Variants in CYBRD1 observed in about 807,000 individuals in gnomAD.
The protein encoded by CYBRD1 is plasma membrane ascorbate-dependent reductase CYBRD1.
CYBRD1 carries 14 observed loss-of-function variants against 21.9 expected under a neutral mutation model. That is an observed-to-expected ratio of 0.64 (90% CI 0.42 to 1.00). The LOEUF is 1.00. Among genes scored for constraint, CYBRD1 ranks in the 50% least tolerant of loss-of-function variants. The pLI is 0.00. For synonymous variants in CYBRD1, 146 were observed against 136.5 expected (o/e 1.07, Z -0.48); for missense variants, 328 against 352.5 (o/e 0.93, Z 0.56).
At chr2:171,523,463 C>T (rs1372915219) in intron 1 of CYBRD1, among the ~76,000 whole-genome samples, 1 of 152,206 alleles carries the variant, frequency 6.6e-6, no homozygotes, top group Non-Finnish European at 1.5e-5. Context: ...TTGAGCCCGA[C>T]TTGTTTATGT....
intron 1 of CYBRD1, among the ~76,000 whole-genome samples, chr2:171,534,346 G>A (rs1004245864): frequency 2.0e-5 from 3 of 152,082 alleles, no homozygotes; most frequent in Non-Finnish European, 4.4e-5. Flanking sequence ...TTGAACCTCA[G>A]GAATGGTGTC....
intron 2 of CYBRD1, among the ~76,000 whole-genome samples, chr2:171,547,662 C>T (rs2105344085): frequency 6.6e-6 from 1 of 152,160 alleles, no homozygotes; most frequent in East Asian, 1.9e-4. Flanking sequence ...GGGGTGATTT[C>T]TTGCTTTGTT....
chr2:171,524,559 A>G (rs928582409), intron 1 of CYBRD1, among the ~76,000 whole-genome samples: 4 of 152,236 alleles, frequency 2.6e-5, no homozygotes, highest in Non-Finnish European at 5.9e-5. Context: ...AATGGCTAAT[A>G]GTGATTGCAT....
At chr2:171,543,391 A>G (rs1431011823) in intron 2 of CYBRD1, among the ~76,000 whole-genome samples, 1 of 152,068 alleles carries the variant, frequency 6.6e-6, no homozygotes, top group Non-Finnish European at 1.5e-5. Context: ...TCTTCCTTGT[A>G]CCCGGCTCCC....
At chr2:171,543,533 G>A (rs959990625) in intron 2 of CYBRD1, among the ~76,000 whole-genome samples, 3 of 151,912 alleles carry the variant, frequency 2.0e-5, no homozygotes, top group African/African-American at 7.3e-5. Context: ...ACCCCTAGAG[G>A]TTACCATTCT....
intron 2 of CYBRD1, among the ~76,000 whole-genome samples, chr2:171,548,208 G>T (rs943323962): frequency 7.2e-5 from 11 of 152,054 alleles, no homozygotes; most frequent in Admixed American, 4.6e-4. Context: ...ACAGCGTTTG[G>T]TCCCTAGAAC....
At chr2:171,526,359 T>G (rs1248140087) in intron 1 of CYBRD1, among the ~76,000 whole-genome samples, 1 of 152,022 alleles carries the variant, frequency 6.6e-6, no homozygotes, top group East Asian at 1.9e-4. Context: ...CCTTTCCCTT[T>G]CTCGCTCACC....
At chr2:171,553,995 C>T (rs938011971) in intron 3 of CYBRD1, among the ~76,000 whole-genome samples, 1 of 152,140 alleles carries the variant, frequency 6.6e-6, no homozygotes, top group African/African-American at 2.4e-5. Context: ...CTCAACGGCC[C>T]GATAGGGAAT....
intron 1 of CYBRD1, among the ~76,000 whole-genome samples, chr2:171,532,259 A>G (rs1367354962): frequency 2.0e-5 from 3 of 152,242 alleles, no homozygotes; most frequent in Admixed American, 6.5e-5. Context: ...AGAGTGAAAT[A>G]ATACTTTATT....
intron 2 of CYBRD1, among the ~76,000 whole-genome samples, chr2:171,542,010 A>G: frequency 6.6e-6 from 1 of 151,334 alleles, no homozygotes; most frequent in Non-Finnish European, 1.5e-5. Context: ...GATTACAGGT[A>G]CCCACCATCG....
At chr2:171,536,557 T>G (rs2105335596) in intron 1 of CYBRD1, among the ~76,000 whole-genome samples, 2 of 152,144 alleles carry the variant, frequency 1.3e-5, no homozygotes, top group South Asian at 4.2e-4. Context: ...CCACCCGCCT[T>G]GGCCTCCCAA....
chr2:171,541,864 T>C, intron 2 of CYBRD1, 71 bp downstream of exon 2: 1 of 815,984 alleles, frequency 1.2e-6, no homozygotes, highest in Non-Finnish European at 1.7e-6. Flanking sequence ...TTCTTTTCTT[T>C]TTTTTTTTTT....
At chr2:171,548,645 T>TAAAAAAAA in intron 2 of CYBRD1, among the ~76,000 whole-genome samples, 1 of 89,960 alleles carries the variant, frequency 1.1e-5, no homozygotes, top group African/African-American at 4.5e-5. Flanking sequence ...ACCTGTACCC[T>TAAAAAAAA]AAAAAAAAAA....
intron 2 of CYBRD1, among the ~76,000 whole-genome samples, chr2:171,551,374 A>G (rs1683371468): frequency 6.6e-6 from 1 of 152,174 alleles, no homozygotes; most frequent in Non-Finnish European, 1.5e-5. Context: ...AACCCTCTGA[A>G]CCATTTCTAA....
rs1007419669 is a variant in CYBRD1, at chr2:171,556,315, G to T, written c.*1488G>T. On this transcript the variant is annotated 3_prime_UTR_variant, in exon 4 of 4. Coordinates refer to ENST00000321348, the MANE Select transcript of CYBRD1 (RefSeq NM_024843.4). ...TCCTGATTTTTATGGAATTTTAGGG[G>T]ATATTTTGAGCTTTGGGTTCTCAGT... 7.4e-6 allele frequency: 1 copy of T among 136,000 alleles called. No homozygotes were observed. The highest frequency in any genetic ancestry group is 1.6e-5 in the Non-Finnish European group (1 of 62,800). 8.4% of individuals were successfully genotyped at this position (136,000 alleles called of 1,614,324 possible). A position where few individuals can be genotyped will look rare whatever the true frequency, so the allele number is the denominator to read the frequency against.
Position 171,554,910 on chromosome 2 carries a change from T to G in CYBRD1, c.*83T>G. 1 of 1,396,062 alleles carries G rather than the reference T, an allele frequency of 7.2e-7. No homozygotes were observed. Among genetic ancestry groups the G allele is most frequent in the South Asian group, 1.2e-5 (1 of 82,936 alleles). The allele number at this position is 1,396,062 out of a possible 1,614,324, so 86.5% of individuals were successfully genotyped here. ...GCTTCTCCTATTAGCCATATGATAA[T>G]TGGGCTATGTAGTATCAATATTTAC... On this transcript the variant is annotated 3_prime_UTR_variant, in exon 4 of 4. Transcript: ENST00000321348.
At position 171,555,266 on chromosome 2, in the gene CYBRD1, A is replaced by T; in HGVS notation, c.*439A>T. 4.2e-6 allele frequency: 1 copy of T among 240,110 alleles called. No individual in the cohort carries two copies. The highest frequency in any genetic ancestry group is 5.2e-5 in the Admixed American group (1 of 19,256). 14.9% of individuals were successfully genotyped at this position (240,110 alleles called of 1,614,324 possible). On this transcript the variant is annotated 3_prime_UTR_variant, in exon 4 of 4. Transcript: ENST00000321348. ...AAAAGTTTAAAATCCGATAAGGAATATCTGGGACAGGGTTTAGATCATGAC... is the reference window on the plus strand; with the variant it reads ...AAAAGTTTAAAATCCGATAAGGAATTTCTGGGACAGGGTTTAGATCATGAC...
rs192098327 is a variant in CYBRD1, at chr2:171,549,588, A to G, written c.403-3758A>G. Among the ~76,000 whole-genome samples the G allele has an allele frequency of 2.1e-3, 321 of 152,318 alleles. 1 individual carries two copies. The highest frequency in any genetic ancestry group is 7.2e-3 in the African/African-American group (300 of 41,576). On this transcript the variant is annotated intron_variant, in intron 2 of 3. Coordinates refer to ENST00000321348, the MANE Select transcript of CYBRD1 (RefSeq NM_024843.4). ...AATTAAATAAAAAAACAAAAAATGA[A>G]AAAACCCACTGATACTGCCATAATC... is the stretch of plus-strand genomic sequence containing the variant.
intron 1 of CYBRD1, among the ~76,000 whole-genome samples, chr2:171,535,535 TG>T (rs1325058743): frequency 6.6e-6 from 1 of 152,282 alleles, no homozygotes; most frequent in Non-Finnish European, 1.5e-5. Context: ...AAGTCTTCAC[TG>T]GGAACACGGT....
Sources: allele counts gnomAD v4.1 joint callset (sites outside exome capture counted in the v4.1 genomes callset), GRCh38; gene constraint gnomAD v4.1.1; transcripts MANE v1.5; gene names NCBI Gene and HGNC (gene_info 2026-07-23, HGNC 2026-07-21).